EPHX2: variants seen among roughly 807,000 people sequenced by gnomAD.
EPHX2 encodes bifunctional epoxide hydrolase 2.
Under a neutral mutation model 78.7 loss-of-function variants are expected in EPHX2, and 74 were observed. The observed-to-expected ratio is 0.94, with a 90% CI of 0.78 to 1.14. The LOEUF (loss-of-function observed/expected upper bound fraction) is 1.14. Ranked by LOEUF, EPHX2 falls within the 50% of genes most tolerant of loss-of-function variation. The pLI is 0.00. For missense variants in EPHX2, 715 were observed against 702.5 expected (o/e 1.02, Z -0.20); for synonymous variants, 251 against 255.2 (o/e 0.98, Z 0.16).
At chr8:27,516,104 C>T (rs965979362) in intron 7 of EPHX2, among the ~76,000 whole-genome samples, 1 of 152,208 alleles carries the variant, frequency 6.6e-6, no homozygotes, top group South Asian at 2.1e-4. Context: ...AGGGAAGATG[C>T]TGTCTTAGAT....
chr8:27,546,366 T>C (rs1366878888), downstream of EPHX2, among the ~76,000 whole-genome samples: 1 of 152,214 alleles, frequency 6.6e-6, no homozygotes, highest in Non-Finnish European at 1.5e-5. Context: ...GGAAGTGCTA[T>C]GGAAGTATCA....
intron 1 of EPHX2, chr8:27,493,166 G>A (rs530907903): frequency 3.5e-4 from 56 of 158,980 alleles, no homozygotes; most frequent in Non-Finnish European, 5.2e-4. Context: ...GGGACTGAAG[G>A]TGAGTAATAG....
intron 5 of EPHX2, among the ~76,000 whole-genome samples, chr8:27,508,946 C>CTTTTTTTTTTTTTTTT (rs34748947): frequency 1.6e-5 from 1 of 64,404 alleles, no homozygotes; most frequent in African/African-American, 7.7e-5. Context: ...CCCCATCCTG[C>CTTTTTTTTTTTTTTTT]TTTTTTTTTT....
intron 12 of EPHX2, among the ~76,000 whole-genome samples, chr8:27,529,042 C>T (rs968740252): frequency 2.6e-4 from 40 of 152,180 alleles, no homozygotes; most frequent in Non-Finnish European, 8.8e-5. Context: ...GTGATCCATC[C>T]TCCTCGGCTT....
chr8:27,528,116 A>G (rs1814911031), intron 12 of EPHX2, among the ~76,000 whole-genome samples: 2 of 152,178 alleles, frequency 1.3e-5, no homozygotes, highest in South Asian at 4.1e-4. Flanking sequence ...TGACCTTAGG[A>G]GAAAGACGCT....
At chr8:27,500,895 G>A (rs1353297319) in intron 1 of EPHX2, 31 bp from the exon 2 acceptor site, 1 of 1,593,018 alleles carries the variant, frequency 6.3e-7, no homozygotes, top group East Asian at 2.2e-5. Context: ...AAAATCCACA[G>A]AATGTTCCTG....
chr8:27,545,806 C>A (rs1334908390), downstream of EPHX2, among the ~76,000 whole-genome samples: 3 of 152,074 alleles, frequency 2.0e-5, no homozygotes, highest in Non-Finnish European at 4.4e-5. Context: ...CATGAGTTGG[C>A]CAGGTCACAA....
chr8:27,526,012 G>C (rs1405934439), intron 12 of EPHX2, among the ~76,000 whole-genome samples: 1 of 152,198 alleles, frequency 6.6e-6, no homozygotes, highest in Non-Finnish European at 1.5e-5. Context: ...CACCTGGCCT[G>C]GTGCCCCGCC....
At chr8:27,543,361 T>C (rs1453620003) in intron 16 of EPHX2, among the ~76,000 whole-genome samples, 2 of 152,182 alleles carry the variant, frequency 1.3e-5, no homozygotes, top group Non-Finnish European at 2.9e-5. Flanking sequence ...TCATGTCACA[T>C]TGATTACTAC....
downstream of EPHX2, among the ~76,000 whole-genome samples, chr8:27,546,200 C>T (rs1441176616): frequency 2.0e-5 from 3 of 151,932 alleles, no homozygotes; most frequent in Non-Finnish European, 4.4e-5. Flanking sequence ...GGCCTCCGGT[C>T]AGCTGCATAC....
At position 27,544,667 on chromosome 8, in the gene EPHX2, T is replaced by A. The variant is rs1013741352; in HGVS notation, c.*145T>A. ...GGGTTTGCAGAAAAAAAAGATTTTC[T>A]TTACATAAAGTGAATCAAATTTGAC... is the stretch of plus-strand genomic sequence containing the variant. On this transcript the variant is annotated 3_prime_UTR_variant, in exon 19 of 19. Coordinates refer to ENST00000521400, the MANE Select transcript of EPHX2 (RefSeq NM_001979.6). 2 of 778,206 alleles carry A rather than the reference T, an allele frequency of 2.6e-6. No individual in the cohort carries two copies. The highest frequency in any genetic ancestry group is 3.4e-5 in the South Asian group (2 of 58,306). 48.2% of individuals were successfully genotyped at this position (778,206 alleles called of 1,614,324 possible).
At chr8:27,506,781 AAG>A (rs1814020927) in intron 4 of EPHX2, 89 bp from the exon 5 acceptor site, 4 of 1,519,374 alleles carry the variant, frequency 2.6e-6, no homozygotes, top group Middle Eastern at 3.6e-4. Flanking sequence ...ATAAAAGAAA[AAG>A]AGTTTTTAAT....
rs1045034833 is a variant in EPHX2, at chr8:27,544,519, G to A, written c.1665G>A (p.Met555Ile). 2.5e-6 allele frequency: 4 copies of A among 1,613,514 alleles called. No homozygotes were observed. The African/African-American group carries it at 4.0e-5, about 16-fold the overall frequency. The change falls in exon 19 of 19, where the codon ATG (methionine) becomes ATA (isoleucine). Residue 555 changes from methionine to isoleucine, a missense_variant. Transcript: ENST00000521400. ...DARNPPVVSKM is the reference protein window; with the variant it reads ...DARNPPVVSKI The stretch of plus-strand genomic sequence containing the variant: ...GGAACCCACCGGTGGTCTCAAAGAT[G>A]TAGAACGCAGCGTGTGCCCACGCTC...
At chr8:27,503,826 C>A in intron 3 of EPHX2, 63 bp downstream of exon 3, 2 of 1,544,750 alleles carry the variant, frequency 1.3e-6, no homozygotes, top group South Asian at 1.2e-5. Flanking sequence ...AGCATTAGGT[C>A]AGAATCCATT....
chr8:27,541,568 C>T (rs998752510), intron 16 of EPHX2, 26 bp downstream of exon 16: 16 of 1,613,718 alleles, frequency 9.9e-6, no homozygotes, highest in Non-Finnish European at 1.4e-5. Flanking sequence ...AGTGTAGTCT[C>T]ATCCACACCC....
intron 1 of EPHX2, among the ~76,000 whole-genome samples, chr8:27,494,608 TC>T: frequency 6.6e-6 from 1 of 152,228 alleles, no homozygotes; most frequent in Non-Finnish European, 1.5e-5. Context: ...GCCAGTCTTC[TC>T]CTAGATAGTG....
chr8:27,543,739 C>T lies in EPHX2; in HGVS notation c.1450-10C>T. On this transcript the variant is annotated splice_polypyrimidine_tract_variant and intron_variant, in intron 16 of 18. Coordinates refer to ENST00000521400, the MANE Select transcript of EPHX2 (RefSeq NM_001979.6). ...GTGCTGGCCACTTCTGTTTCCTGTTCTCCCCCCAGATCCTGATTCCGGCCC... is the reference window on the plus strand; with the variant it reads ...GTGCTGGCCACTTCTGTTTCCTGTTTTCCCCCCAGATCCTGATTCCGGCCC... 6.2e-7 allele frequency: 1 copy of T among 1,613,734 alleles called. No homozygotes were observed.
chr8:27,540,560 T>C lies in EPHX2; in HGVS notation c.1283T>C (p.Leu428Pro). ...SMHKVCEAGG[L>P]FVNSPEEPSL... ...CAAGTGGCTTTTTTTGCAGGAGGAC[T>C]TTTTGTAAATAGCCCAGAAGAGCCC... The change falls in exon 15 of 19, where the codon CTT becomes CCT. Residue 428 changes from leucine to proline, a missense_variant. Coordinates refer to ENST00000521400, the MANE Select transcript of EPHX2 (RefSeq NM_001979.6). The C allele has an allele frequency of 6.2e-7, 1 of 1,614,060 alleles. No individual in the cohort carries two copies. Among genetic ancestry groups the C allele is most frequent in the Non-Finnish European group, 8.5e-7 (1 of 1,179,954 alleles).
At chr8:27,522,345 C>A in intron 10 of EPHX2, 78 bp from the exon 11 acceptor site, 1 of 1,427,140 alleles carries the variant, frequency 7.0e-7, no homozygotes, top group Non-Finnish European at 9.8e-7. Flanking sequence ...TGTCGAGGGG[C>A]TGGCTGATGG....
Sources: gnomAD v4.1 joint callset for allele counts (sites outside exome capture counted in the v4.1 genomes callset) on GRCh38, gnomAD v4.1.1 for gene constraint, MANE v1.5 for transcripts, NCBI Gene and HGNC (gene_info 2026-07-23, HGNC 2026-07-21) for gene names.